The following IL6R variants were observed in gnomAD, a reference collection of about 807,000 sequenced individuals.
IL6R encodes interleukin 6 receptor.
IL6R carries 38 observed loss-of-function variants against 48.3 expected under a neutral mutation model. The ratio of observed to expected loss-of-function variants is 0.79; its 90% CI spans 0.61 to 1.03. IL6R has a LOEUF of 1.03. Among genes scored for constraint, IL6R ranks in the 50% least tolerant of loss-of-function variants. IL6R has a pLI of 0.00. For synonymous variants in IL6R, 264 were observed against 256.2 expected (o/e 1.03, Z -0.29); for missense variants, 534 against 618.3 (o/e 0.86, Z 1.45).
chr1:154,462,395 C>T (rs1351783388), intron 9 of IL6R, among the ~76,000 whole-genome samples: 9 of 133,290 alleles, frequency 6.8e-5, no homozygotes, highest in East Asian at 2.2e-4. Flanking sequence ...TTTTTTGAGA[C>T]GGAGTTTCAT....
At chr1:154,423,004 C>T (rs1383116849) in intron 1 of IL6R, among the ~76,000 whole-genome samples, 1 of 151,960 alleles carries the variant, frequency 6.6e-6, no homozygotes, top group Non-Finnish European at 1.5e-5. Flanking sequence ...TGTCTTGTGT[C>T]CACCAGGGAA....
intron 9 of IL6R, among the ~76,000 whole-genome samples, chr1:154,455,460 T>C (rs544787127): frequency 1.8e-3 from 267 of 147,060 alleles, no homozygotes; most frequent in African/African-American, 6.2e-3. Context: ...CTTTTCTTTT[T>C]TTTTTTTTTT....
intron 6 of IL6R, 128 bp from the exon 7 acceptor site, chr1:154,447,997 C>T: frequency 2.7e-6 from 2 of 743,422 alleles, no homozygotes; most frequent in South Asian, 1.6e-5. Flanking sequence ...ACGTGAGCCA[C>T]CGCGCCCAGC....
intron 1 of IL6R, among the ~76,000 whole-genome samples, chr1:154,417,982 C>T (rs576283187): frequency 2.6e-5 from 4 of 152,316 alleles, no homozygotes; most frequent in Admixed American, 2.0e-4. Flanking sequence ...ATCCGACCTT[C>T]TCTGTCTCCC....
At chr1:154,432,732 C>A (rs1462711351) in intron 3 of IL6R, among the ~76,000 whole-genome samples, 2 of 152,160 alleles carry the variant, frequency 1.3e-5, no homozygotes, top group African/African-American at 4.8e-5. Flanking sequence ...CAGCCTCGTG[C>A]CTTTGCTTCC....
At chr1:154,415,790 C>T (rs1015869023) in intron 1 of IL6R, among the ~76,000 whole-genome samples, 2 of 152,064 alleles carry the variant, frequency 1.3e-5, no homozygotes, top group African/African-American at 2.4e-5. Context: ...ACCAGCATGA[C>T]CAACATGGTG....
At chr1:154,432,231 T>C (rs1200415989) in intron 3 of IL6R, among the ~76,000 whole-genome samples, 1 of 152,226 alleles carries the variant, frequency 6.6e-6, no homozygotes, top group Non-Finnish European at 1.5e-5. Context: ...CAGCAAAGGA[T>C]ACACCTTGTT....
At chr1:154,418,202 C>A (rs1425153359) in intron 1 of IL6R, among the ~76,000 whole-genome samples, 1 of 152,212 alleles carries the variant, frequency 6.6e-6, no homozygotes, top group Non-Finnish European at 1.5e-5. Flanking sequence ...AGTTTATAAT[C>A]TCTGAGAGTT....
intron 8 of IL6R, among the ~76,000 whole-genome samples, chr1:154,452,035 C>A (rs556658799): frequency 6.6e-6 from 1 of 152,108 alleles, no homozygotes; most frequent in Non-Finnish European, 1.5e-5. Context: ...TGCTTTGAGA[C>A]GTATCTAGGA....
At chr1:154,447,474 T>A (rs796516147) in intron 6 of IL6R, among the ~76,000 whole-genome samples, 1 of 87,186 alleles carries the variant, frequency 1.1e-5, no homozygotes. Context: ...TATATATATA[T>A]ATACACACAC....
intron 1 of IL6R, among the ~76,000 whole-genome samples, chr1:154,421,558 G>T (rs945668724): frequency 6.6e-6 from 1 of 152,118 alleles, no homozygotes; most frequent in African/African-American, 2.4e-5. Flanking sequence ...TCCCCTGTAG[G>T]TCTTCCTTCC....
intron 1 of IL6R, among the ~76,000 whole-genome samples, chr1:154,415,399 C>T (rs1425683582): frequency 6.6e-6 from 1 of 152,174 alleles, no homozygotes; most frequent in Non-Finnish European, 1.5e-5. Context: ...ATCTTTCCCC[C>T]ACCAATTTTC....
At position 154,436,092 on chromosome 1, in the gene IL6R, A is replaced by G; in HGVS notation, c.931A>G (p.Met311Val). Reference sequence around the variant, plus strand: ...GTGGAGCGAGTGGAGCCCGGAGGCCATGGGCACGCCTTGGACAGGTACTGC... The same window carrying G: ...GTGGAGCGAGTGGAGCCCGGAGGCCGTGGGCACGCCTTGGACAGGTACTGC... ...GEWSEWSPEA[M>V]GTPWTESRSP... Residue 311 changes from methionine (M) to valine (V), a missense_variant, in exon 6 of 10, where the codon ATG becomes GTG. Physicochemically the swap from Met to Val is conservative, Grantham distance 21. Coordinates refer to ENST00000368485, the MANE Select transcript of IL6R (RefSeq NM_000565.4). The G allele has an allele frequency of 6.2e-7, 1 of 1,612,172 alleles. No individual in the cohort carries two copies. Among genetic ancestry groups the G allele is most frequent in the Non-Finnish European group, 8.5e-7 (1 of 1,178,742 alleles).
intron 9 of IL6R, among the ~76,000 whole-genome samples, chr1:154,463,930 C>A (rs1172224955): frequency 6.6e-6 from 1 of 152,066 alleles, no homozygotes. Flanking sequence ...TGTGGGAACT[C>A]ACCAGCATGG....
At chr1:154,444,908 CAA>C (rs1373129593) in intron 6 of IL6R, 2 of 377,820 alleles carry the variant, frequency 5.3e-6, no homozygotes, top group South Asian at 1.9e-5. Flanking sequence ...GTCTTAACAA[CAA>C]AAAGACTCCT....
intron 9 of IL6R, 85 bp downstream of exon 9, chr1:154,454,666 C>A: frequency 1.1e-6 from 1 of 877,896 alleles, no homozygotes; most frequent in Non-Finnish European, 1.9e-6. Context: ...ATTTATGGTG[C>A]ATTTATTCAT....
chr1:154,441,871 C>T (rs1219800994), intron 6 of IL6R, among the ~76,000 whole-genome samples: 1 of 152,200 alleles, frequency 6.6e-6, no homozygotes, highest in African/African-American at 2.4e-5. Flanking sequence ...GTTAGTTCAG[C>T]TCTCAGAGCC....
rs1310561413 is a variant in IL6R at position 154,405,912 on chromosome 1, C to T, written c.85+198C>T. ...GCTCTTGCGCCCCCTGCTGCGCTTG[C>T]TCCCTTGGTCCGGAGCGCTCCCCGG... is the stretch of plus-strand genomic sequence containing the variant. On this transcript the variant is annotated intron_variant, in intron 1 of 9. Transcript: ENST00000368485. This position sits in a 1 kb window ranked among gnomAD's most constrained non-coding sequence, Gnocchi z 5.2. 6.6e-6 allele frequency among the ~76,000 whole-genome samples: 1 copy of T among 152,176 alleles called. No homozygotes were observed. Among genetic ancestry groups the T allele is most frequent in the East Asian group, 1.9e-4 (1 of 5,184 alleles).
At chr1:154,431,860 C>T (rs7549250) in intron 3 of IL6R, among the ~76,000 whole-genome samples, 85,172 of 152,058 alleles carry the variant, frequency 0.56, 24,074 homozygotes, top group Admixed American at 0.64. Context: ...ATGTCCTGGG[C>T]GGGACGGTGT....
Sources: gnomAD v4.1 joint callset for allele counts (sites outside exome capture counted in the v4.1 genomes callset) on GRCh38, gnomAD v4.1.1 for gene constraint, Gnocchi (gnomAD v3.1) non-coding constraint, MANE v1.5 for transcripts, NCBI Gene and HGNC (gene_info 2026-07-23, HGNC 2026-07-21) for gene names.